Variants in DMD observed in about 807,000 individuals in gnomAD.
DMD encodes the protein dystrophin.
DMD carries 63 observed loss-of-function variants against 330.1 expected under a neutral mutation model. That is an observed-to-expected ratio of 0.19 (90% CI 0.16 to 0.24). DMD has a LOEUF of 0.24. DMD is among the 10% of genes least tolerant of loss of function. DMD has a pLI of 1.00. For missense variants in DMD, 3,344 were observed against 2,684.1 expected, an observed-to-expected ratio of 1.25 and a Z score of -5.43; for synonymous variants, 1,223 against 959.8, an observed-to-expected ratio of 1.27 and a Z score of -5.07.
chrX:32,247,629 A>G (rs946308223), intron 43 of DMD, among the ~76,000 whole-genome samples: 2 of 111,150 alleles, frequency 1.8e-5, no homozygotes, highest in Non-Finnish European at 3.8e-5. Context: ...CTCATTTTTT[A>G]GAACTCAATT....
chrX:33,334,198 C>T (rs2054219578), intron 1 of DMD, among the ~76,000 whole-genome samples: 2 of 111,612 alleles, frequency 1.8e-5, no homozygotes, highest in Non-Finnish European at 3.8e-5. Flanking sequence ...ATTAAATAAA[C>T]ATTCCTCAAC....
intron 48 of DMD, 37 bp downstream of exon 48, chrX:31,875,151 A>G (rs1241996280): frequency 8.8e-7 from 1 of 1,141,219 alleles, no homozygotes; most frequent in Admixed American, 2.5e-5. Flanking sequence ...ATTTTTCTTA[A>G]AAAAGACAAA....
intron 2 of DMD, among the ~76,000 whole-genome samples, chrX:32,893,560 C>T (rs1314327075): frequency 6.2e-5 from 7 of 112,002 alleles, no homozygotes; most frequent in Non-Finnish European, 1.1e-4. Context: ...CCATTAAAAC[C>T]CCTCAGAGGT....
chrX:32,492,268 G>A (rs1431868452), intron 19 of DMD, among the ~76,000 whole-genome samples: 1 of 112,109 alleles, frequency 8.9e-6, no homozygotes, highest in Non-Finnish European at 1.9e-5. Context: ...AACCCGGGAG[G>A]CGGAGCTTGC....
At chrX:31,781,355 G>T in intron 50 of DMD, among the ~76,000 whole-genome samples, 1 of 111,961 alleles carries the variant, frequency 8.9e-6, no homozygotes, top group Non-Finnish European at 1.9e-5. Context: ...CAATATGCAA[G>T]AATTATTAAT....
chrX:32,695,193 G>A (rs1037668995), intron 9 of DMD, among the ~76,000 whole-genome samples: 4 of 111,943 alleles, frequency 3.6e-5, no homozygotes, highest in Non-Finnish European at 5.6e-5. Flanking sequence ...AAAGTGCAGC[G>A]TCACCCTACT....
intron 5 of DMD, 61 bp from the exon 6 acceptor site, chrX:32,816,701 T>G (rs1424434749): frequency 2.7e-6 from 3 of 1,091,954 alleles, no homozygotes; most frequent in South Asian, 3.7e-5. Context: ...CCATGCAAAC[T>G]TAAATATGAA....
At chrX:32,175,493 G>A (rs2096903123) in intron 44 of DMD, among the ~76,000 whole-genome samples, 1 of 110,599 alleles carries the variant, frequency 9.0e-6, no homozygotes, top group Non-Finnish European at 1.9e-5. Flanking sequence ...TTGTTCTTTT[G>A]CTCTTCACAA....
At chrX:31,357,612 G>A (rs1165991727) in intron 60 of DMD, among the ~76,000 whole-genome samples, 2 of 110,786 alleles carry the variant, frequency 1.8e-5, no homozygotes, top group Non-Finnish European at 3.8e-5. Context: ...ACCCTTAACC[G>A]AGGAAATCAA....
intron 7 of DMD, among the ~76,000 whole-genome samples, chrX:32,749,531 T>G (rs1183052851): frequency 8.9e-6 from 1 of 112,617 alleles, no homozygotes; most frequent in African/African-American, 3.2e-5. Context: ...TCCTGTTTTC[T>G]TCCCCTGCTC....
intron 34 of DMD, among the ~76,000 whole-genome samples, chrX:32,366,472 C>T (rs1032604129): frequency 1.2e-4 from 14 of 112,340 alleles, no homozygotes; most frequent in Non-Finnish European, 2.3e-4. Flanking sequence ...AAAACAAAAT[C>T]ATTGAGAAAC....
chrX:31,635,775 G>T (rs761815401), intron 54 of DMD, among the ~76,000 whole-genome samples: 13 of 110,797 alleles, frequency 1.2e-4, no homozygotes, highest in African/African-American at 4.3e-4. Context: ...CATTTGAAAG[G>T]GCCCTTTTAG....
At chrX:32,951,613 C>T (rs2091252192) in intron 2 of DMD, among the ~76,000 whole-genome samples, 1 of 111,578 alleles carries the variant, frequency 9.0e-6, no homozygotes, top group Admixed American at 9.6e-5. Context: ...TGAAACCTTT[C>T]CCACCCCCAG....
intron 7 of DMD, among the ~76,000 whole-genome samples, chrX:32,778,218 C>A: frequency 1.0e-5 from 1 of 99,238 alleles, no homozygotes; most frequent in Non-Finnish European, 2.0e-5. Context: ...TACTGCTAAA[C>A]ATCTTTTAAA....
At chrX:31,917,642 A>C (rs577160609) in intron 47 of DMD, among the ~76,000 whole-genome samples, 1 of 112,672 alleles carries the variant, frequency 8.9e-6, no homozygotes, top group South Asian at 3.6e-4. Context: ...ACTTCTGTAG[A>C]GCATCAATTA....
intron 61 of DMD, among the ~76,000 whole-genome samples, chrX:31,335,071 T>C (rs1310379830): frequency 8.9e-6 from 1 of 112,261 alleles, no homozygotes; most frequent in Non-Finnish European, 1.9e-5. Context: ...TTATTCTTTG[T>C]TTTTAAATCA....
chrX:31,353,046 G>A (rs1025449531), intron 60 of DMD, among the ~76,000 whole-genome samples: 4 of 111,109 alleles, frequency 3.6e-5, no homozygotes, highest in Non-Finnish European at 7.5e-5. Flanking sequence ...TCTTTCCTTG[G>A]TGGTTTATTC....
chrX:33,014,518 G>T (rs1273417222), intron 2 of DMD, among the ~76,000 whole-genome samples: 1 of 111,555 alleles, frequency 9.0e-6, no homozygotes, highest in Non-Finnish European at 1.9e-5. Flanking sequence ...GATTGTTGGG[G>T]TTACTAGTTG....
intron 44 of DMD, among the ~76,000 whole-genome samples, chrX:32,050,974 C>CATTTTTTTTTTTT (rs2096107980): frequency 1.3e-5 from 1 of 78,157 alleles, no homozygotes; most frequent in African/African-American, 5.7e-5. Flanking sequence ...CTAACTTCCT[C>CATTTTTTTTTTTT]TTTTTTTTTT....
Sources: allele counts gnomAD v4.1 joint callset (sites outside exome capture counted in the v4.1 genomes callset), GRCh38; gene constraint gnomAD v4.1.1; transcripts MANE v1.5; gene names NCBI Gene and HGNC (gene_info 2026-07-23, HGNC 2026-07-21).